CYTH3: variants seen among roughly 807,000 people sequenced by gnomAD.
CYTH3 encodes the protein cytohesin 3.
CYTH3 carries 23 observed loss-of-function variants against 55.1 expected under a neutral mutation model. That is an observed-to-expected ratio of 0.42 (90% CI 0.30 to 0.59). CYTH3 has a LOEUF of 0.59. CYTH3 is among the 20% of genes least tolerant of loss of function. CYTH3 has a pLI of 0.20. For synonymous variants in CYTH3, 249 were observed against 194.9 expected, an observed-to-expected ratio of 1.28 and a Z score of -2.31; for missense variants, 413 against 524.8, an observed-to-expected ratio of 0.79 and a Z score of 2.08.
chr7:6,162,837 CAGA>C lies in CYTH3; in HGVS notation c.*2104_*2106del, dbSNP rs560230341. The C allele has an allele frequency of 8.4e-4, 128 of 152,732 alleles. No individual in the cohort carries two copies. Among genetic ancestry groups the C allele is most frequent in the African/African-American group, 3.0e-3 (125 of 41,570 alleles). 9.5% of individuals were successfully genotyped at this position (152,732 alleles called of 1,614,324 possible). ...ATCCCCAGGTCACACCTGGGTTGGTCAGAAGAAGGAAACAGCTTGTCCGAGCAC... is the reference window on the plus strand; with the variant it reads ...ATCCCCAGGTCACACCTGGGTTGGTCAGAAGGAAACAGCTTGTCCGAGCAC... On this transcript the variant is annotated 3_prime_UTR_variant, in exon 13 of 13. Coordinates refer to ENST00000350796, the MANE Select transcript of CYTH3 (RefSeq NM_004227.4).
At chr7:6,168,113 T>G (rs1167105553) in intron 9 of CYTH3, among the ~76,000 whole-genome samples, 2 of 152,066 alleles carry the variant, frequency 1.3e-5, no homozygotes, top group East Asian at 1.9e-4. Flanking sequence ...TTTCTCTCTG[T>G]AAGTTTCTGT....
Position 6,202,022 on chromosome 7 carries a change from A to G in CYTH3, c.35-11491T>C, listed in dbSNP as rs77716209. 3.2e-3 allele frequency among the ~76,000 whole-genome samples: 483 copies of G among 152,350 alleles called. 18 individuals carry two copies. In the East Asian group the frequency reaches 0.071, roughly 23 times the overall value. The stretch of plus-strand genomic sequence containing the variant: ...TTTACCATGGTAGACAGAAAAACAC[A>G]GCCATGGTATTTTGAGGTTCCTCCT... On this transcript the variant is annotated intron_variant, in intron 1 of 12. Coordinates refer to ENST00000350796, the MANE Select transcript of CYTH3 (RefSeq NM_004227.4).
At chr7:6,172,767 A>T in intron 6 of CYTH3, 1 of 1,263,236 alleles carries the variant, frequency 7.9e-7, no homozygotes, top group Non-Finnish European at 1.0e-6. Flanking sequence ...CAGCTTCCAG[A>T]AACGCAATCT....
chr7:6,221,593 G>T (rs1015285029), intron 1 of CYTH3, among the ~76,000 whole-genome samples: 3 of 152,128 alleles, frequency 2.0e-5, no homozygotes, highest in South Asian at 4.1e-4. Context: ...CTGTATTGCA[G>T]TTACATAAGA....
In CYTH3 at chr7:6,272,556, G is replaced by A. The variant is rs1007552140; in HGVS notation, c.-49C>T. ...CGAGCCGGGGGCCGGCAGCAGAGGG[G>A]CCGCGGGCTGGGGACGCCGCCGGAG... On this transcript the variant is annotated 5_prime_UTR_variant, in exon 1 of 13. Coordinates refer to ENST00000350796, the MANE Select transcript of CYTH3 (RefSeq NM_004227.4). 1 of 1,255,172 alleles carries A rather than the reference G, an allele frequency of 8.0e-7. No homozygotes were observed. The highest frequency in any genetic ancestry group is 1.0e-6 in the Non-Finnish European group (1 of 989,032). The allele number at this position is 1,255,172 out of a possible 1,614,324, so 77.8% of individuals were successfully genotyped here. A position where few individuals can be genotyped will look rare whatever the true frequency, so the allele number is the denominator to read the frequency against.
At chr7:6,245,083 T>TGCTG (rs1229094198) in intron 1 of CYTH3, among the ~76,000 whole-genome samples, 1 of 146,360 alleles carries the variant, frequency 6.8e-6, no homozygotes, top group Admixed American at 7.1e-5. Context: ...CCTTCCAAAG[T>TGCTG]GCTGGGATTA....
At chr7:6,226,111 A>C (rs1187599924) in intron 1 of CYTH3, among the ~76,000 whole-genome samples, 2 of 152,174 alleles carry the variant, frequency 1.3e-5, no homozygotes, top group Non-Finnish European at 2.9e-5. Flanking sequence ...ACCCTACATC[A>C]AGGAATGTGT....
chr7:6,202,591 G>A (rs1784081192), intron 1 of CYTH3, among the ~76,000 whole-genome samples: 1 of 151,890 alleles, frequency 6.6e-6, no homozygotes, highest in South Asian at 2.1e-4. Context: ...AGCCTCCTGA[G>A]TGGCTGGGAT....
intron 1 of CYTH3, among the ~76,000 whole-genome samples, chr7:6,192,463 CT>C (rs1288707877): frequency 1.3e-5 from 2 of 151,432 alleles, no homozygotes; most frequent in African/African-American, 2.4e-5. Flanking sequence ...TGAAGCAAAA[CT>C]CCTACCTTGG....
chr7:6,201,818 G>A (rs1400093387), intron 1 of CYTH3, among the ~76,000 whole-genome samples: 1 of 152,008 alleles, frequency 6.6e-6, no homozygotes, highest in Non-Finnish European at 1.5e-5. Flanking sequence ...AAATTTCTAG[G>A]GTAAGCAGGA....
intron 9 of CYTH3, among the ~76,000 whole-genome samples, chr7:6,166,639 G>A (rs1040101417): frequency 2.6e-5 from 4 of 152,186 alleles, no homozygotes; most frequent in African/African-American, 9.7e-5. Flanking sequence ...CAGGACACAG[G>A]GGGCTTTCCC....
intron 4 of CYTH3, among the ~76,000 whole-genome samples, chr7:6,179,845 C>T (rs967887276): frequency 1.5e-5 from 2 of 130,258 alleles, no homozygotes; most frequent in African/African-American, 3.1e-5. Context: ...ACATACACCA[C>T]ACCACAGACA....
intron 1 of CYTH3, among the ~76,000 whole-genome samples, chr7:6,228,571 A>G (rs1377060995): frequency 1.3e-5 from 2 of 152,224 alleles, no homozygotes; most frequent in Admixed American, 6.5e-5. Context: ...AAAATAAAAA[A>G]TGAACAGTTT....
chr7:6,232,721 G>C (rs971422206), intron 1 of CYTH3, among the ~76,000 whole-genome samples: 1 of 151,996 alleles, frequency 6.6e-6, no homozygotes, highest in Admixed American at 6.6e-5. Flanking sequence ...CTGTGGTTCT[G>C]ACTGTCCCGC....
chr7:6,201,786 G>C (rs964065871), intron 1 of CYTH3, among the ~76,000 whole-genome samples: 23 of 152,076 alleles, frequency 1.5e-4, no homozygotes, highest in African/African-American at 4.8e-4. Flanking sequence ...CTTTAGACTT[G>C]TCAAGTTAAG....
chr7:6,251,217 G>C (rs933582114), intron 1 of CYTH3, among the ~76,000 whole-genome samples: 5 of 152,082 alleles, frequency 3.3e-5, no homozygotes, highest in Admixed American at 3.3e-4. Flanking sequence ...GGAGGTTGCA[G>C]TGAGCCGAGA....
chr7:6,179,760 CCACA>C (rs1289258293), intron 4 of CYTH3, among the ~76,000 whole-genome samples: 2 of 110,414 alleles, frequency 1.8e-5, no homozygotes, highest in Non-Finnish European at 3.6e-5. Flanking sequence ...CACACCCCCA[CCACA>C]CACACCCCAC....
intron 1 of CYTH3, among the ~76,000 whole-genome samples, chr7:6,240,520 G>C (rs553002406): frequency 6.6e-6 from 1 of 152,174 alleles, no homozygotes; most frequent in South Asian, 2.1e-4. Context: ...TAGACAGAAT[G>C]GAACAGAATA....
At chr7:6,177,797 G>A in intron 5 of CYTH3, 26 bp downstream of exon 5, 1 of 1,568,868 alleles carries the variant, frequency 6.4e-7, no homozygotes, top group African/African-American at 1.3e-5. Flanking sequence ...GCCCCAGGTA[G>A]GGCTTTGCAT....
Sources: allele counts gnomAD v4.1 joint callset (sites outside exome capture counted in the v4.1 genomes callset), GRCh38; gene constraint gnomAD v4.1.1; transcripts MANE v1.5; gene names NCBI Gene and HGNC (gene_info 2026-07-23, HGNC 2026-07-21).